NOXA1: variants seen among roughly 807,000 people sequenced by gnomAD.
The protein encoded by NOXA1 is NCF2-like protein.
A neutral mutation model predicts 64.8 loss-of-function variants in NOXA1; 56 were observed. That is an observed-to-expected ratio of 0.86 (90% confidence interval 0.70 to 1.08). NOXA1 has a LOEUF of 1.08. NOXA1 is among the 50% of genes least tolerant of loss of function. The probability of loss-of-function intolerance (pLI) is 0.00; values close to 1 mark genes in which losing one functional copy is unlikely to be tolerated. For missense variants in NOXA1, 668 were observed against 658.5 expected (o/e 1.01, Z -0.16); for synonymous variants, 295 against 294.8 (o/e 1.00, Z -0.01).
intron 9 of NOXA1, 61 bp from the exon 10 acceptor site, chr9:137,433,144 C>T: frequency 6.2e-7 from 1 of 1,609,498 alleles, no homozygotes; most frequent in Non-Finnish European, 8.5e-7. Context: ...TGCCGGCTGC[C>T]CTCCACCCAC....
At chr9:137,425,655 G>C (rs1838821833) in intron 1 of NOXA1, among the ~76,000 whole-genome samples, 1 of 152,196 alleles carries the variant, frequency 6.6e-6, no homozygotes, top group Non-Finnish European at 1.5e-5. Context: ...CAACATGCTA[G>C]GATTACAGGC....
intron 6 of NOXA1, 113 bp downstream of exon 6, chr9:137,430,956 T>G: frequency 6.4e-7 from 1 of 1,550,690 alleles, no homozygotes; most frequent in Admixed American, 1.7e-5. Context: ...TGATGGGAGG[T>G]GTGGGGTGGC....
chr9:137,428,589 G>T (rs937373375), intron 3 of NOXA1, among the ~76,000 whole-genome samples: 11 of 151,674 alleles, frequency 7.3e-5, no homozygotes, highest in African/African-American at 2.7e-4. Flanking sequence ...GCCCACTGGT[G>T]TGGGTCTGGA....
At position 137,426,324 on chromosome 9, in the gene NOXA1, T is replaced by G; in HGVS notation, c.254T>G (p.Leu85Arg). ...CAGCGAGGAGTGGCCAACTTCCAGCTGGCAAGGTGAGTACAGGGGTGCCTT... is the reference window on the plus strand; with the variant it reads ...CAGCGAGGAGTGGCCAACTTCCAGCGGGCAAGGTGAGTACAGGGGTGCCTT... ...FFQRGVANFQ[L>R]ARFQEALSDF... Residue 85 changes from leucine to arginine, a missense_variant, in exon 2 of 14, where the codon CTG becomes CGG. Physicochemically the swap from Leu to Arg is moderately radical, Grantham distance 102. Transcript: ENST00000683555. 6.2e-7 allele frequency: 1 copy of G among 1,613,694 alleles called. No homozygotes were observed. Among genetic ancestry groups the G allele is most frequent in the Non-Finnish European group, 8.5e-7 (1 of 1,179,898 alleles).
intron 2 of NOXA1, among the ~76,000 whole-genome samples, chr9:137,427,792 T>G (rs114711060): frequency 6.6e-6 from 1 of 151,504 alleles, no homozygotes; most frequent in African/African-American, 2.4e-5. Flanking sequence ...GGAAGCTGAG[T>G]CTGAGCTGGG....
intron 5 of NOXA1, among the ~76,000 whole-genome samples, chr9:137,429,972 T>TC (rs1408688127): frequency 2.0e-5 from 2 of 99,606 alleles, no homozygotes; most frequent in African/African-American, 4.2e-5. Context: ...GACAGCGAGG[T>TC]CCCAGGGGGG....
At position 137,433,234 on chromosome 9, in the gene NOXA1, G is replaced by T. The variant is rs772216723; in HGVS notation, c.880G>T (p.Gly294Cys). Residue 294 changes from glycine (G) to cysteine (C), a missense_variant, in exon 10 of 14, where the codon GGC becomes TGC. Coordinates refer to ENST00000683555, the MANE Select transcript of NOXA1 (RefSeq NM_001256067.2). Reference protein sequence around the residue: ...GLPAMGGPGPGPCEDPAGAGG... With the variant: ...GLPAMGGPGPCPCEDPAGAGG... ...GCCGGCAATGGGGGGGCCTGGCCCC[G>T]GCCCCTGTGAGGACCCCGCGGGTGC... 2.5e-6 allele frequency: 4 copies of T among 1,602,426 alleles called. No individual in the cohort carries two copies. Among genetic ancestry groups the T allele is most frequent in the Non-Finnish European group, 3.4e-6 (4 of 1,175,792 alleles).
rs372018371 is a variant in NOXA1 at position 137,426,227 on chromosome 9, C to T, written c.178-21C>T. ...GACCAGGTTACAGACCTTGGCATCC[C>T]GTGGGCATTTTTGTCCCCAGGCATT... On this transcript the variant is annotated intron_variant, in intron 1 of 13. Transcript: ENST00000683555. The T allele has an allele frequency of 8.2e-4, 1,324 of 1,610,022 alleles. 2 individuals carry two copies. Among genetic ancestry groups the T allele is most frequent in the Admixed American group, 1.1e-3 (63 of 59,992 alleles).
In NOXA1 at chr9:137,433,881, G is replaced by T; in HGVS notation, c.1179+17G>T. ...CAGTGCAGGGTGAGCCAAGGGCGAGGCAGGGGCAGGGGCACCCTGAGGGGC... is the reference window on the plus strand; with the variant it reads ...CAGTGCAGGGTGAGCCAAGGGCGAGTCAGGGGCAGGGGCACCCTGAGGGGC... On this transcript the variant is annotated intron_variant, in intron 12 of 13. Coordinates refer to ENST00000683555, the MANE Select transcript of NOXA1 (RefSeq NM_001256067.2). The T allele has an allele frequency of 6.9e-7, 1 of 1,452,974 alleles. No homozygotes were observed. Among genetic ancestry groups the T allele is most frequent in the Non-Finnish European group, 9.1e-7 (1 of 1,094,362 alleles). 90.0% of individuals were successfully genotyped at this position (1,452,974 alleles called of 1,614,324 possible).
intron 2 of NOXA1, 36 bp from the exon 3 acceptor site, chr9:137,427,997 G>T: frequency 3.5e-6 from 5 of 1,434,208 alleles, no homozygotes; most frequent in Non-Finnish European, 2.9e-6. Flanking sequence ...CCCCATCTCC[G>T]CCCTGTGCTG....
At position 137,428,119 on chromosome 9, in the gene NOXA1, G is replaced by A. The variant is rs748686366; in HGVS notation, c.347G>A (p.Arg116Gln). The A allele has an allele frequency of 1.0e-5, 16 of 1,573,206 alleles. No homozygotes were observed. The highest frequency in any genetic ancestry group is 1.3e-5 in the Non-Finnish European group (15 of 1,160,570). ...AAIDYTQLGL[R>Q]FKLQAWEVLH... is the part of the protein sequence containing the mutation. ...ATCGACTACACGCAGCTGGGCCTGC[G>A]GTTCAAGCTGCAAGCCTGGGAGGTG... The change falls in exon 3 of 14, where the codon CGG becomes CAG. Residue 116 changes from arginine to glutamine, a missense_variant. Arg to Gln is a conservative substitution (Grantham distance 43). Transcript: ENST00000683555.
At chr9:137,428,768 G>A in intron 3 of NOXA1, 114 bp from the exon 4 acceptor site, 1 of 1,089,988 alleles carries the variant, frequency 9.2e-7, no homozygotes, top group Non-Finnish European at 1.3e-6. Context: ...GGCCAGGTGG[G>A]GGGACTGGGG....
chr9:137,433,857 A>G lies in NOXA1; in HGVS notation c.1172A>G (p.Gln391Arg). Reference protein sequence around the residue: ...AAACPRGLQLQCRGAGGRPVL... With the variant: ...AAACPRGLQLRCRGAGGRPVL... ...GCCTGCCCCAGGGGGCTGCAGCTGC[A>G]GTGCAGGGTGAGCCAAGGGCGAGGC... Residue 391 changes from glutamine to arginine, a missense_variant, in exon 12 of 14, where the codon CAG (glutamine) becomes CGG (arginine). Gln to Arg is a conservative substitution (Grantham distance 43). Transcript: ENST00000683555. The G allele has an allele frequency of 2.1e-6, 3 of 1,452,316 alleles. No individual in the cohort carries two copies. The highest frequency in any genetic ancestry group is 1.5e-5 in the South Asian group (1 of 68,620). 90.0% of individuals were successfully genotyped at this position (1,452,316 alleles called of 1,614,324 possible).
intron 1 of NOXA1, among the ~76,000 whole-genome samples, chr9:137,424,152 C>G (rs151321086): frequency 0.014 from 2,188 of 152,270 alleles, 52 homozygotes; most frequent in African/African-American, 0.05. Flanking sequence ...TCTCGTGCCC[C>G]CTCGCGTTCC....
chr9:137,433,938 G>A (rs760751316), intron 12 of NOXA1, 27 bp from the exon 13 acceptor site: 112 of 1,530,714 alleles, frequency 7.3e-5, no homozygotes, highest in Non-Finnish European at 8.9e-5. Context: ...TGCCCGGCCC[G>A]ACCTGCAGCC....
chr9:137,423,725 G>C lies in NOXA1; in HGVS notation c.177+19G>C, dbSNP rs1287869787. The C allele has an allele frequency of 2.4e-6, 3 of 1,254,552 alleles. No individual in the cohort carries two copies. The highest frequency in any genetic ancestry group is 3.0e-6 in the Non-Finnish European group (3 of 1,001,938). The allele number at this position is 1,254,552 out of a possible 1,614,324, so 77.7% of individuals were successfully genotyped here. A position where few individuals can be genotyped will look rare whatever the true frequency, so the allele number is the denominator to read the frequency against. On this transcript the variant is annotated intron_variant, in intron 1 of 13. Transcript: ENST00000683555. ...GCTGCGGGTGAGCGGGGCGTGGGGA[G>C]GCCGGTGCGGGCGACGCCTCCGCCT...
chr9:137,424,172 T>C (rs1384199991), intron 1 of NOXA1, among the ~76,000 whole-genome samples: 1 of 152,180 alleles, frequency 6.6e-6, no homozygotes, highest in Non-Finnish European at 1.5e-5. Context: ...CGGGGCCGCC[T>C]GTTCCTGCGC....
intron 2 of NOXA1, 84 bp downstream of exon 2, chr9:137,426,414 C>A: frequency 9.1e-7 from 1 of 1,095,604 alleles, no homozygotes; most frequent in Non-Finnish European, 1.4e-6. Context: ...CCTCCTCCCT[C>A]TCCATCCACT....
intron 1 of NOXA1, 87 bp from the exon 2 acceptor site, chr9:137,426,161 G>A (rs1179686650): frequency 1.5e-5 from 18 of 1,224,226 alleles, no homozygotes; most frequent in African/African-American, 3.0e-5. Context: ...ACGGAATTCC[G>A]TGGCCCTGTC....
Sources: gnomAD v4.1 joint callset for allele counts (sites outside exome capture counted in the v4.1 genomes callset) on GRCh38, gnomAD v4.1.1 for gene constraint, MANE v1.5 for transcripts, NCBI Gene and HGNC (gene_info 2026-07-23, HGNC 2026-07-21) for gene names.